Variants in WDSUB1 observed in about 807,000 individuals in gnomAD.
The protein encoded by WDSUB1 is WD repeat, SAM and U-box domain-containing protein 1.
WDSUB1 carries 49 observed loss-of-function variants against 53.9 expected under a neutral mutation model. That is an observed-to-expected ratio of 0.91 (90% confidence interval 0.72 to 1.15). The LOEUF is 1.15. Among genes scored for constraint, WDSUB1 ranks in the 50% most tolerant of loss-of-function variants. WDSUB1 has a pLI of 0.00. For missense variants in WDSUB1, 514 were observed against 562.0 expected (o/e 0.91, Z 0.86); for synonymous variants, 194 against 200.6 (o/e 0.97, Z 0.28).
intron 10 of WDSUB1, among the ~76,000 whole-genome samples, chr2:159,240,555 A>G (rs1455779998): frequency 6.6e-6 from 1 of 152,192 alleles, no homozygotes; most frequent in East Asian, 1.9e-4. Context: ...AATGACACTG[A>G]CCGTCTTTTG....
intron 1 of WDSUB1, among the ~76,000 whole-genome samples, chr2:159,285,142 T>C (rs1249508937): frequency 1.3e-5 from 2 of 152,226 alleles, no homozygotes. Flanking sequence ...CATGTAAAAC[T>C]GTCAGGCACC....
intron 3 of WDSUB1, among the ~76,000 whole-genome samples, chr2:159,276,141 A>T (rs887154177): frequency 1.3e-5 from 2 of 151,364 alleles, no homozygotes; most frequent in African/African-American, 4.9e-5. Flanking sequence ...AGCTCACCGC[A>T]ACCTCCACCT....
At chr2:159,247,861 G>A (rs1198919211) in intron 10 of WDSUB1, among the ~76,000 whole-genome samples, 1 of 104,462 alleles carries the variant, frequency 9.6e-6, no homozygotes, top group African/African-American at 3.3e-5. Context: ...AAACATATAA[G>A]GAAGCTGTAG....
At chr2:159,254,103 C>T (rs917524581) in intron 9 of WDSUB1, among the ~76,000 whole-genome samples, 1 of 152,222 alleles carries the variant, frequency 6.6e-6, no homozygotes, top group Non-Finnish European at 1.5e-5. Context: ...TAGACCATCA[C>T]AGAACTTGTT....
At chr2:159,257,642 C>A (rs1350853547) in intron 8 of WDSUB1, 116 bp downstream of exon 8, 4 of 816,542 alleles carry the variant, frequency 4.9e-6, no homozygotes, top group Non-Finnish European at 8.0e-6. Flanking sequence ...CCCACCTTGG[C>A]CTCCCAAAGT....
chr2:159,244,615 T>C (rs1214342678), intron 10 of WDSUB1, among the ~76,000 whole-genome samples: 1 of 152,146 alleles, frequency 6.6e-6, no homozygotes, highest in Non-Finnish European at 1.5e-5. Flanking sequence ...TTTGCTCAAA[T>C]TGTACAGTTA....
intron 10 of WDSUB1, among the ~76,000 whole-genome samples, chr2:159,245,305 A>T (rs1408437143): frequency 6.6e-6 from 1 of 152,016 alleles, no homozygotes; most frequent in African/African-American, 2.4e-5. Flanking sequence ...AGGAGGACAG[A>T]CCCCCTGAGG....
intron 10 of WDSUB1, among the ~76,000 whole-genome samples, chr2:159,242,962 T>C (rs968689500): frequency 1.3e-5 from 2 of 148,182 alleles, no homozygotes; most frequent in African/African-American, 2.6e-5. Flanking sequence ...GTATTCTGAA[T>C]ATTCAGAAAA....
At chr2:159,270,062 A>C (rs1000979660) in intron 5 of WDSUB1, among the ~76,000 whole-genome samples, 14 of 152,210 alleles carry the variant, frequency 9.2e-5, no homozygotes, top group African/African-American at 3.4e-4. Context: ...CATTATCCAC[A>C]AATGATCTGA....
At position 159,273,762 on chromosome 2, in the gene WDSUB1, T is replaced by G. The variant is rs151187665; in HGVS notation, c.676+1784A>C. On this transcript the variant is annotated intron_variant, in intron 4 of 10. Transcript: ENST00000359774. ...CTGCACGTTTATAAACTGTCATGTA[T>G]GTTTTTGTTAAAAAGTCAGTGTCAA... Among the ~76,000 whole-genome samples the G allele has an allele frequency of 2.2e-4, 34 of 152,350 alleles. No homozygotes were observed. In the East Asian group the frequency reaches 6.6e-3, roughly 29 times the overall value.
rs1475670079 is a variant in WDSUB1, at chr2:159,279,913, G to A, written c.431C>T (p.Ala144Val). Residue 144 changes from alanine (A) to valine (V), a missense_variant, in exon 3 of 11, where the codon GCA becomes GTA. Coordinates refer to ENST00000359774, the MANE Select transcript of WDSUB1 (RefSeq NM_001128212.3). ...GCTTCCATTAGGAGAAAATGCACAT[G>A]CCGCCAAGGAGCCATCTTTAACACT... ...CGSVKDGSLA[A>V]CAFSPNGSFF... The A allele has an allele frequency of 6.2e-7, 1 of 1,612,108 alleles. No individual in the cohort carries two copies. The highest frequency in any genetic ancestry group is 8.5e-7 in the Non-Finnish European group (1 of 1,178,676).
intron 10 of WDSUB1, among the ~76,000 whole-genome samples, chr2:159,243,014 T>C (rs1324886834): frequency 7.0e-6 from 1 of 142,966 alleles, no homozygotes; most frequent in Non-Finnish European, 1.5e-5. Context: ...ATTAGAATTA[T>C]ATGCTGGCAG....
chr2:159,255,386 G>C (rs1190657798), intron 9 of WDSUB1, among the ~76,000 whole-genome samples: 2 of 152,146 alleles, frequency 1.3e-5, no homozygotes, highest in Admixed American at 1.3e-4. Context: ...AGAATGGTGT[G>C]AACCTGGGAG....
intron 5 of WDSUB1, among the ~76,000 whole-genome samples, chr2:159,265,098 AAT>A (rs1456863739): frequency 1.4e-5 from 2 of 146,108 alleles, no homozygotes; most frequent in African/African-American, 5.5e-5. Context: ...AAAAAAAAAA[AAT>A]AAAACAACAA....
Position 159,241,719 on chromosome 2 carries a change from C to CTTT in WDSUB1, c.1274-5532_1274-5530dup, listed in dbSNP as rs527377114. On this transcript the variant is annotated intron_variant, in intron 10 of 10. Transcript: ENST00000359774. ...CATGACTGGGGATGTTTTCTTTTTT[C>CTTT]TTTTTTTTTTTGAGATGGAGTCTCA... Among the ~76,000 whole-genome samples the CTTT allele has an allele frequency of 1.5e-5, 2 of 130,332 alleles. 1 individual carries two copies. Among genetic ancestry groups the CTTT allele is most frequent in the African/African-American group, 6.3e-5 (2 of 31,638 alleles). 85.5% of individuals were successfully genotyped at this position (130,332 alleles called of 152,430 possible).
chr2:159,279,674 A>G (rs1487793769), intron 3 of WDSUB1, 87 bp downstream of exon 3: 6 of 1,236,328 alleles, frequency 4.9e-6, no homozygotes, highest in East Asian at 2.4e-5. Context: ...TAATGATAAC[A>G]TAAAAAAGAA....
intron 10 of WDSUB1, among the ~76,000 whole-genome samples, chr2:159,236,916 CG>C (rs2060497922): frequency 6.6e-6 from 1 of 152,100 alleles, no homozygotes; most frequent in Non-Finnish European, 1.5e-5. Context: ...CCACCATGCC[CG>C]GCCACCAAGG....
intron 10 of WDSUB1, among the ~76,000 whole-genome samples, chr2:159,240,070 A>G (rs79596921): frequency 0.04 from 6,123 of 152,260 alleles, 397 homozygotes; most frequent in African/African-American, 0.14. Flanking sequence ...CTGCCCCCGC[A>G]GCGTGTGGCC....
Position 159,239,826 on chromosome 2 carries a change from T to C in WDSUB1, c.1274-3636A>G, listed in dbSNP as rs2151036442. ...TACAAATTAGTACCAGCTGTGTAGC[T>C]CCCCCACCTTGGGGGCCTGAGTTCT... is the stretch of plus-strand genomic sequence containing the variant. On this transcript the variant is annotated intron_variant, in intron 10 of 10. Coordinates refer to ENST00000359774, the MANE Select transcript of WDSUB1 (RefSeq NM_001128212.3). 1.3e-5 allele frequency among the ~76,000 whole-genome samples: 2 copies of C among 152,196 alleles called. 1 individual carries two copies. Among genetic ancestry groups the C allele is most frequent in the South Asian group, 4.2e-4 (2 of 4,818 alleles).
Sources: allele counts gnomAD v4.1 joint callset (sites outside exome capture counted in the v4.1 genomes callset), GRCh38; gene constraint gnomAD v4.1.1; transcripts MANE v1.5; gene names NCBI Gene and HGNC (gene_info 2026-07-23, HGNC 2026-07-21).